The following DNAJC1 variants were observed in gnomAD, a reference collection of about 807,000 sequenced individuals.
DNAJC1 encodes the protein DnaJ heat shock protein family (Hsp40) member C1, also known as dnaJ homolog subfamily C member 1.
A neutral mutation model predicts 76.6 loss-of-function variants in DNAJC1; 58 were observed. The ratio of observed to expected loss-of-function variants is 0.76; its 90% confidence interval spans 0.61 to 0.94. The LOEUF (loss-of-function observed/expected upper bound fraction) is 0.94. DNAJC1 is among the 40% of genes least tolerant of loss of function. The pLI is 0.00. For synonymous variants in DNAJC1, 258 were observed against 267.9 expected (o/e 0.96, Z 0.36); for missense variants, 689 against 677.3 (o/e 1.02, Z -0.19).
At position 21,756,590 on chromosome 10, in the gene DNAJC1, G is replaced by T; in HGVS notation, c.*97C>A. ...ATTATTTTTTTTTACTAAGGCACATGACGTAGAAATATTGAGGTACAAAAT... is the reference window on the plus strand; with the variant it reads ...ATTATTTTTTTTTACTAAGGCACATTACGTAGAAATATTGAGGTACAAAAT... On this transcript the variant is annotated 3_prime_UTR_variant, in exon 12 of 12. Transcript: ENST00000376980. The T allele has an allele frequency of 1.2e-6, 1 of 807,938 alleles. No individual in the cohort carries two copies. The highest frequency in any genetic ancestry group is 2.1e-6 in the Non-Finnish European group (1 of 470,836). The allele number at this position is 807,938 out of a possible 1,614,324, so 50.0% of individuals were successfully genotyped here. A position where few individuals can be genotyped will look rare whatever the true frequency, so the allele number is the denominator to read the frequency against.
chr10:21,845,499 T>C (rs1206806796), intron 8 of DNAJC1, among the ~76,000 whole-genome samples: 1 of 151,706 alleles, frequency 6.6e-6, no homozygotes, highest in East Asian at 1.9e-4. Flanking sequence ...GGACTATAGG[T>C]GTGTGCCACC....
chr10:21,956,517 A>G (rs1042302608), intron 1 of DNAJC1, among the ~76,000 whole-genome samples: 1 of 151,674 alleles, frequency 6.6e-6, no homozygotes, highest in African/African-American at 2.4e-5. Flanking sequence ...TTATATATAC[A>G]CATATAAATT....
intron 9 of DNAJC1, among the ~76,000 whole-genome samples, chr10:21,784,659 A>G (rs1834581720): frequency 6.6e-6 from 1 of 152,260 alleles, no homozygotes; most frequent in Non-Finnish European, 1.5e-5. Context: ...CCAAATGTCC[A>G]TCAATGATAG....
chr10:21,859,218 T>C (rs564232157), intron 8 of DNAJC1, among the ~76,000 whole-genome samples: 2 of 152,300 alleles, frequency 1.3e-5, no homozygotes, highest in South Asian at 2.1e-4. Context: ...CTTAAGGGAA[T>C]AGCTTAATGC....
intron 1 of DNAJC1, among the ~76,000 whole-genome samples, chr10:21,975,670 A>C (rs1249253959): frequency 1.3e-5 from 2 of 152,230 alleles, no homozygotes; most frequent in Non-Finnish European, 2.9e-5. Flanking sequence ...TTAGATCTAC[A>C]CTGATAAGTG....
At chr10:21,796,248 G>A (rs1258661097) in intron 9 of DNAJC1, among the ~76,000 whole-genome samples, 2 of 152,074 alleles carry the variant, frequency 1.3e-5, no homozygotes, top group African/African-American at 2.4e-5. Context: ...AGGATTACAG[G>A]TGTGAGCCAC....
At chr10:21,959,348 G>C (rs980162081) in intron 1 of DNAJC1, among the ~76,000 whole-genome samples, 1 of 151,438 alleles carries the variant, frequency 6.6e-6, no homozygotes, top group South Asian at 2.1e-4. Context: ...GGCTGGTTTT[G>C]AACTCCTGAC....
chr10:21,921,536 T>C (rs1837042846), intron 3 of DNAJC1, among the ~76,000 whole-genome samples: 1 of 152,060 alleles, frequency 6.6e-6, no homozygotes, highest in Admixed American at 6.6e-5. Context: ...TTTGTATTGC[T>C]ATATTCCTTT....
Position 21,982,982 on chromosome 10 carries a change from G to A in DNAJC1, c.222+20231C>T, listed in dbSNP as rs546753669. On this transcript the variant is annotated intron_variant, in intron 1 of 11. Coordinates refer to ENST00000376980, the MANE Select transcript of DNAJC1 (RefSeq NM_022365.4). ...AGGCAGGAGGACTGCTTGAGCCTGG[G>A]AGTTTGGGGCTGCAGCAAGTTATGA... is the stretch of plus-strand genomic sequence containing the variant. 6.6e-5 allele frequency among the ~76,000 whole-genome samples: 10 copies of A among 152,258 alleles called. No homozygotes were observed. The East Asian group carries it at 1.9e-3, about 29-fold the overall frequency.
At chr10:21,782,508 T>A in intron 9 of DNAJC1, among the ~76,000 whole-genome samples, 1 of 152,044 alleles carries the variant, frequency 6.6e-6, no homozygotes, top group East Asian at 1.9e-4. Flanking sequence ...AGGAATCCAT[T>A]CCAATCAACA....
intron 1 of DNAJC1, among the ~76,000 whole-genome samples, chr10:21,993,781 T>A (rs562264208): frequency 1.3e-5 from 2 of 152,184 alleles, no homozygotes; most frequent in Non-Finnish European, 1.5e-5. Flanking sequence ...ATGAATACTA[T>A]CATGATCTTT....
chr10:21,891,476 C>CAAAAAAAAAAAAAAAAAAAAAAAAAAAA (rs369729722), intron 7 of DNAJC1, among the ~76,000 whole-genome samples: 3 of 38,860 alleles, frequency 7.7e-5, no homozygotes, highest in Admixed American at 3.1e-4. Context: ...ACAAAGTAGA[C>CAAAAAAAAAAAAAAAAAAAAAAAAAAAA]AAAAAAAAAA....
At chr10:21,791,714 T>C (rs1834690895) in intron 9 of DNAJC1, among the ~76,000 whole-genome samples, 1 of 151,802 alleles carries the variant, frequency 6.6e-6, no homozygotes, top group Non-Finnish European at 1.5e-5. Flanking sequence ...ACACAACAAA[T>C]CAAAATCTAC....
At chr10:21,928,691 AG>A in intron 2 of DNAJC1, 139 bp from the exon 3 acceptor site, 1 of 651,840 alleles carries the variant, frequency 1.5e-6, no homozygotes, top group Non-Finnish European at 2.7e-6. Context: ...CTCCTTTATA[AG>A]TAACACTATG....
At chr10:21,831,537 T>A (rs1835356447) in intron 8 of DNAJC1, among the ~76,000 whole-genome samples, 1 of 152,210 alleles carries the variant, frequency 6.6e-6, no homozygotes, top group South Asian at 2.1e-4. Flanking sequence ...GCGCCTGTAA[T>A]CCCAGCACTT....
At chr10:21,887,930 C>A (rs971691521) in intron 7 of DNAJC1, among the ~76,000 whole-genome samples, 1 of 152,032 alleles carries the variant, frequency 6.6e-6, no homozygotes, top group African/African-American at 2.4e-5. Flanking sequence ...AAGAAACTAT[C>A]GACAGAGTAA....
chr10:21,949,002 T>C (rs1837550652), intron 1 of DNAJC1, among the ~76,000 whole-genome samples: 1 of 152,198 alleles, frequency 6.6e-6, no homozygotes, highest in African/African-American at 2.4e-5. Context: ...ACCTTATCAG[T>C]TACAGTGGAG....
At chr10:21,785,748 G>C (rs903812409) in intron 9 of DNAJC1, among the ~76,000 whole-genome samples, 1 of 152,090 alleles carries the variant, frequency 6.6e-6, no homozygotes, top group Non-Finnish European at 1.5e-5. Context: ...CCCAGGTTGA[G>C]GGTTAATCTG....
intron 1 of DNAJC1, among the ~76,000 whole-genome samples, chr10:21,999,972 G>A (rs1228758986): frequency 3.3e-5 from 5 of 152,154 alleles, no homozygotes; most frequent in East Asian, 3.9e-4. Flanking sequence ...CAACTTCAAC[G>A]TTTAACAGAC....
Sources: gnomAD v4.1 joint callset for allele counts (sites outside exome capture counted in the v4.1 genomes callset) on GRCh38, gnomAD v4.1.1 for gene constraint, MANE v1.5 for transcripts, NCBI Gene and HGNC (gene_info 2026-07-23, HGNC 2026-07-21) for gene names.